The following HELB variants were observed in gnomAD, a reference collection of about 807,000 sequenced individuals.
HELB encodes the protein DNA 5'-3' helicase B.
In HELB, 96 loss-of-function variants were observed where a neutral mutation model predicts 101.7. The observed-to-expected ratio is 0.94, with a 90% CI of 0.80 to 1.12. The LOEUF (loss-of-function observed/expected upper bound fraction) is 1.12, where lower values mean the gene tolerates loss of function less well. Among genes scored for constraint, HELB ranks in the 50% most tolerant of loss-of-function variants. HELB has a pLI of 0.00. For missense variants in HELB, 1,210 were observed against 1,291.9 expected (o/e 0.94, Z 0.97); for synonymous variants, 437 against 459.7 (o/e 0.95, Z 0.63).
downstream of HELB, chr12:66,342,318 G>T (rs1381445569): frequency 1.3e-5 from 2 of 150,824 alleles, no homozygotes; most frequent in Non-Finnish European, 3.0e-5. Context: ...GACTGTAAAT[G>T]TGAGGGTGTA....
At chr12:66,332,434 C>T (rs1000454001) in intron 12 of HELB, among the ~76,000 whole-genome samples, 11 of 152,296 alleles carry the variant, frequency 7.2e-5, no homozygotes, top group South Asian at 6.2e-4. Context: ...ATAAACAATT[C>T]GTCAATTTTA....
chr12:66,331,711 A>G, intron 12 of HELB, 66 bp downstream of exon 12: 1 of 1,408,788 alleles, frequency 7.1e-7, no homozygotes, highest in Non-Finnish European at 9.7e-7. Flanking sequence ...GTGCTTATAA[A>G]TGACTGTGTG....
intron 3 of HELB, among the ~76,000 whole-genome samples, chr12:66,309,491 C>T (rs2053514548): frequency 6.6e-6 from 1 of 151,996 alleles, no homozygotes; most frequent in South Asian, 2.1e-4. Flanking sequence ...ACTTTTAAAA[C>T]TGTGTGTTAG....
At position 66,338,121 on chromosome 12, in the gene HELB, C is replaced by A; in HGVS notation, c.*19C>A. On this transcript the variant is annotated 3_prime_UTR_variant, in exon 13 of 13. Coordinates refer to ENST00000247815, the MANE Select transcript of HELB (RefSeq NM_001370285.1). ...AACTTAGTTTTATTTCAAATTGTTC[C>A]GAGTAACTATGTTTTTCTATTGGAG... The A allele has an allele frequency of 1.5e-6, 2 of 1,327,130 alleles. No individual in the cohort carries two copies. Among genetic ancestry groups the A allele is most frequent in the Non-Finnish European group, 2.2e-6 (2 of 921,996 alleles). The allele number at this position is 1,327,130 out of a possible 1,614,324, so 82.2% of individuals were successfully genotyped here.
intron 6 of HELB, among the ~76,000 whole-genome samples, chr12:66,318,180 G>A (rs1337294668): frequency 1.3e-5 from 2 of 152,128 alleles, no homozygotes; most frequent in African/African-American, 4.8e-5. Context: ...AAGGGGTATG[G>A]AGTCAAATGC....
intron 11 of HELB, among the ~76,000 whole-genome samples, chr12:66,326,557 G>A (rs1025529780): frequency 6.6e-6 from 1 of 151,860 alleles, no homozygotes; most frequent in Non-Finnish European, 1.5e-5. Context: ...TCATTTTTAT[G>A]CAGAAAAATT....
At chr12:66,305,798 G>A (rs2053468514) in intron 2 of HELB, among the ~76,000 whole-genome samples, 1 of 151,538 alleles carries the variant, frequency 6.6e-6, no homozygotes, top group Admixed American at 6.6e-5. Context: ...AGGTAGAGAA[G>A]AACGACAAGG....
chr12:66,308,009 G>A (rs1204460554), intron 3 of HELB, among the ~76,000 whole-genome samples: 1 of 136,720 alleles, frequency 7.3e-6, no homozygotes, highest in East Asian at 2.1e-4. Flanking sequence ...GGGATTACAG[G>A]CATGAGCTAA....
rs781146344 is a variant in HELB at position 66,324,063 on chromosome 12, C to T, written c.2378C>T (p.Pro793Leu). The change falls in exon 10 of 13, where the codon CCT (proline) becomes CTT (leucine). Residue 793 changes from proline to leucine, a missense_variant. Around this residue, in one of 2 missense-constraint regions of HELB, gnomAD observed 740 missense variants for 728.8 expected, o/e 1.02. Transcript: ENST00000247815. ...TRNAYLSDLL[P>L]ENISGSQQNN... ...AATGCATACCTCTCAGACTTACTAC[C>T]TGAAAATATCTCTGGAAGTCAGCAA... The T allele has an allele frequency of 8.1e-6, 13 of 1,613,426 alleles. 1 individual carries two copies. Among genetic ancestry groups the T allele is most frequent in the Non-Finnish European group, 1.0e-5 (12 of 1,179,740 alleles).
intron 9 of HELB, among the ~76,000 whole-genome samples, chr12:66,323,314 C>T (rs1328115450): frequency 6.6e-6 from 1 of 151,814 alleles, no homozygotes; most frequent in Non-Finnish European, 1.5e-5. Context: ...GGAAGTTACA[C>T]AAAAATCTGT....
rs1361667386 is a variant in HELB at position 66,314,055 on chromosome 12, G to A, written c.1750G>A (p.Val584Ile). 1 of 1,613,866 alleles carries A rather than the reference G, an allele frequency of 6.2e-7. No homozygotes were observed. The highest frequency in any genetic ancestry group is 1.3e-5 in the African/African-American group (1 of 75,018). ...TTNKPWKFSS[V>I]RVLVVDEGSL... ...AAACAAACCATGGAAATTTTCTTCG[G>A]TTAGAGTTCTGGTTGTGGATGAAGG... Residue 584 changes from valine to isoleucine, a missense_variant, in exon 5 of 13, where the codon GTT becomes ATT. Around this residue, in one of 2 missense-constraint regions of HELB, gnomAD observed 740 missense variants for 728.8 expected, o/e 1.02. Coordinates refer to ENST00000247815, the MANE Select transcript of HELB (RefSeq NM_001370285.1).
intron 6 of HELB, among the ~76,000 whole-genome samples, chr12:66,318,103 G>A (rs1389055916): frequency 2.0e-5 from 3 of 152,188 alleles, no homozygotes; most frequent in African/African-American, 7.2e-5. Context: ...ATACAGAGAA[G>A]AAAGGAGAAG....
rs571856080 is a variant in HELB, at chr12:66,334,920, G to T, written c.3163-3081G>T. The stretch of plus-strand genomic sequence containing the variant: ...GGGGAGAGCCTAGTGAAAGAGTGGG[G>T]CTGGTAATCTGTGGTTGGAGTGTGG... On this transcript the variant is annotated intron_variant, in intron 12 of 12. Coordinates refer to ENST00000247815, the MANE Select transcript of HELB (RefSeq NM_001370285.1). 8.5e-5 allele frequency among the ~76,000 whole-genome samples: 13 copies of T among 152,262 alleles called. No homozygotes were observed. The East Asian group carries it at 2.5e-3, about 29-fold the overall frequency.
chr12:66,322,751 C>T lies in HELB; in HGVS notation c.2265C>T (p.Cys755=), dbSNP rs1428798825. Residue 755 remains cysteine, a synonymous_variant, in exon 9 of 13, where the codon TGC becomes TGT. Coordinates refer to ENST00000247815, the MANE Select transcript of HELB (RefSeq NM_001370285.1). ...AAGACTGTGATCTAATTAATGACTG[C>T]TGCTGCAAACACTACACAGGCCACC... The part of the protein sequence containing the change: ...RRQDCDLIND[C]CCKHYTGHLT... The T allele has an allele frequency of 6.2e-7, 1 of 1,610,594 alleles. No individual in the cohort carries two copies. The highest frequency in any genetic ancestry group is 8.5e-7 in the Non-Finnish European group (1 of 1,178,308).
chr12:66,337,235 C>T (rs1437522042), intron 12 of HELB, among the ~76,000 whole-genome samples: 3 of 151,910 alleles, frequency 2.0e-5, no homozygotes, highest in African/African-American at 7.3e-5. Context: ...TTCTTTTTCC[C>T]CTCTTGGACA....
chr12:66,310,669 C>A, intron 4 of HELB, 61 bp downstream of exon 4: 1 of 1,468,986 alleles, frequency 6.8e-7, no homozygotes, highest in Non-Finnish European at 9.2e-7. Flanking sequence ...CAGTGGCTCA[C>A]GCCTGTAATC....
In HELB at chr12:66,304,972, A is replaced by T. The variant is rs759277660; in HGVS notation, c.429A>T (p.Lys143Asn). Residue 143 changes from lysine (K) to asparagine (N), a missense_variant, in exon 2 of 13, where the codon AAA becomes AAT. Physicochemically the swap from Lys to Asn is moderately conservative, Grantham distance 94. Around this residue, in one of 2 missense-constraint regions of HELB, gnomAD observed 470 missense variants for 563.1 expected, o/e 0.83. Transcript: ENST00000247815. ...ECEVSSDDVN[K>N]FLTWVKEVSN... ...AGGTCTCCAGTGATGATGTTAATAA[A>T]TTTTTAACATGGGTAAAGGAGGTAT... 6.2e-7 allele frequency: 1 copy of T among 1,614,012 alleles called. No individual in the cohort carries two copies. The highest frequency in any genetic ancestry group is 8.5e-7 in the Non-Finnish European group (1 of 1,179,910).
rs1367904502 is a variant in HELB, at chr12:66,318,727, T to G, written c.2090T>G (p.Phe697Cys). 3 of 1,611,320 alleles carry G rather than the reference T, an allele frequency of 1.9e-6. No individual in the cohort carries two copies. The East Asian group carries it at 6.7e-5, about 36-fold the overall frequency. Residue 697 changes from phenylalanine (F) to cysteine (C), a missense_variant, in exon 7 of 13, where the codon TTT becomes TGT. Physicochemically the swap from Phe to Cys is radical, Grantham distance 205 (BLOSUM62 -2). This residue lies in a region of HELB where 740 missense variants were observed against 728.8 expected (regional missense o/e 1.02). Transcript: ENST00000247815. ...TLPISIQDKT[F>C]IFVRLPEEDA... Reference sequence around the variant, plus strand: ...CCCATCTCAATTCAAGATAAGACATTTATTTTTGTCAGGCTCCCAGAAGAG... The same window carrying G: ...CCCATCTCAATTCAAGATAAGACATGTATTTTTGTCAGGCTCCCAGAAGAG...
At position 66,315,287 on chromosome 12, in the gene HELB, AAG is replaced by A. The variant is rs767560163; in HGVS notation, c.1906_1907del (p.Asp636SerfsTer3). On this transcript the variant is annotated frameshift_variant, in exon 6 of 13. Transcript: ENST00000247815. LOFTEE classifies it high-confidence loss of function. ...AGTATTGAACCTGGTAACTTGCTGAAAGATCTTTTTGAGACTCTTAAGTCAAG... is the reference window on the plus strand; with the variant it reads ...AGTATTGAACCTGGTAACTTGCTGAAATCTTTTTGAGACTCTTAAGTCAAG... 1 of 1,609,212 alleles carries A rather than the reference AAG, an allele frequency of 6.2e-7. No individual in the cohort carries two copies. The highest frequency in any genetic ancestry group is 8.5e-7 in the Non-Finnish European group (1 of 1,177,624).
Sources: gnomAD v4.1 joint callset for allele counts (sites outside exome capture counted in the v4.1 genomes callset) on GRCh38, gnomAD v4.1.1 for gene constraint, gnomAD v4.1.1 regional missense constraint, MANE v1.5 for transcripts, NCBI Gene and HGNC (gene_info 2026-07-23, HGNC 2026-07-21) for gene names.